The following ANKS1B variants were observed in gnomAD, a reference collection of about 807,000 sequenced individuals.
ANKS1B encodes the protein ankyrin repeat and sterile alpha motif domain-containing protein 1B.
Under a neutral mutation model 148.3 loss-of-function variants are expected in ANKS1B, and 36 were observed. That is an observed-to-expected ratio of 0.24 (90% confidence interval 0.19 to 0.32). The LOEUF is 0.32. ANKS1B is among the 10% of genes least tolerant of loss of function. ANKS1B has a pLI of 1.00. For synonymous variants in ANKS1B, 542 were observed against 560.8 expected (o/e 0.97, Z 0.47); for missense variants, 1,157 against 1,542.6 (o/e 0.75, Z 4.19).
At chr12:98,836,472 G>A (rs769077661) in intron 17 of ANKS1B, among the ~76,000 whole-genome samples, 1 of 152,140 alleles carries the variant, frequency 6.6e-6, no homozygotes, top group Non-Finnish European at 1.5e-5. Context: ...TTGACAGTAA[G>A]AAATCCAATT....
At chr12:99,620,869 G>A (rs2153372111) in intron 9 of ANKS1B, among the ~76,000 whole-genome samples, 1 of 152,218 alleles carries the variant, frequency 6.6e-6, no homozygotes, top group African/African-American at 2.4e-5. Context: ...CCCTAATCTT[G>A]CTAGAGAGGT....
Position 99,094,595 on chromosome 12 carries a change from G to A in ANKS1B, c.2527-9572C>T, listed in dbSNP as rs143448941. Among the ~76,000 whole-genome samples, 377 of 151,744 alleles carry A rather than the reference G, an allele frequency of 2.5e-3. 1 individual carries two copies. The highest frequency in any genetic ancestry group is 7.4e-3 in the Admixed American group (113 of 15,294). On this transcript the variant is annotated intron_variant, in intron 15 of 26. Transcript: ENST00000683438. ...AGACCTGAGGGGATTAGAAGGAGCA[G>A]CCTAACTGTGAGAAGAGCTGTTACA...
intron 15 of ANKS1B, among the ~76,000 whole-genome samples, chr12:99,124,162 C>T (rs763831197): frequency 3.9e-5 from 6 of 152,010 alleles, no homozygotes; most frequent in African/African-American, 4.8e-5. Flanking sequence ...AGAGACTCTA[C>T]GTAGGGGCTC....
chr12:99,529,629 G>GT (rs2096966809), intron 9 of ANKS1B, among the ~76,000 whole-genome samples: 1 of 148,042 alleles, frequency 6.8e-6, no homozygotes, highest in Non-Finnish European at 1.5e-5. Flanking sequence ...CACCAGCCTG[G>GT]TGACACAGCA....
At chr12:99,902,589 G>A (rs1291105113) in intron 1 of ANKS1B, among the ~76,000 whole-genome samples, 3 of 152,118 alleles carry the variant, frequency 2.0e-5, no homozygotes, top group African/African-American at 7.2e-5. Flanking sequence ...GGATGGAAGA[G>A]GGAAAGAAGG....
chr12:99,770,406 A>G (rs923994934), intron 8 of ANKS1B, among the ~76,000 whole-genome samples: 8 of 152,178 alleles, frequency 5.3e-5, no homozygotes, highest in African/African-American at 1.9e-4. Context: ...GGTGACCTAT[A>G]TTAGGTGACC....
intron 1 of ANKS1B, among the ~76,000 whole-genome samples, chr12:99,908,488 G>A (rs1431167631): frequency 6.6e-6 from 1 of 152,120 alleles, no homozygotes; most frequent in Non-Finnish European, 1.5e-5. Context: ...TCTGAGGTGA[G>A]AGAATCACCC....
chr12:99,862,196 C>A (rs926963187), intron 1 of ANKS1B, among the ~76,000 whole-genome samples: 2 of 152,146 alleles, frequency 1.3e-5, no homozygotes, highest in African/African-American at 4.8e-5. Flanking sequence ...AAAATCTTCA[C>A]ACACAATATG....
chr12:99,443,213 C>T (rs941274646), intron 11 of ANKS1B, among the ~76,000 whole-genome samples: 8 of 151,950 alleles, frequency 5.3e-5, no homozygotes, highest in Middle Eastern at 3.4e-3. Context: ...CAATATTAAA[C>T]GCAGACAATA....
intron 10 of ANKS1B, among the ~76,000 whole-genome samples, chr12:99,488,078 T>A (rs2096517396): frequency 6.6e-6 from 1 of 152,190 alleles, no homozygotes; most frequent in Admixed American, 6.5e-5. Flanking sequence ...CTTTTAATAT[T>A]ATAAAGTATT....
intron 8 of ANKS1B, among the ~76,000 whole-genome samples, chr12:99,764,927 C>G (rs1284234410): frequency 6.6e-6 from 1 of 152,074 alleles, no homozygotes; most frequent in Non-Finnish European, 1.5e-5. Flanking sequence ...GACTTGGCAG[C>G]ATTGCTCAGA....
chr12:99,217,114 A>G (rs1422906522), intron 14 of ANKS1B, among the ~76,000 whole-genome samples: 2 of 152,144 alleles, frequency 1.3e-5, no homozygotes, highest in East Asian at 1.9e-4. Flanking sequence ...TCAGACTTCA[A>G]TGTGAGAGAT....
chr12:99,886,822 A>G (rs2092846251), intron 1 of ANKS1B, among the ~76,000 whole-genome samples: 1 of 152,216 alleles, frequency 6.6e-6, no homozygotes, highest in Non-Finnish European at 1.5e-5. Context: ...TACATGCAGA[A>G]AAGCACTTAA....
At chr12:99,163,699 G>T (rs181550005) in intron 14 of ANKS1B, among the ~76,000 whole-genome samples, 1 of 152,082 alleles carries the variant, frequency 6.6e-6, no homozygotes, top group East Asian at 1.9e-4. Flanking sequence ...TTTCAAGAAT[G>T]TTACATGAAT....
At chr12:99,292,405 C>T (rs1159264126) in intron 12 of ANKS1B, among the ~76,000 whole-genome samples, 1 of 150,432 alleles carries the variant, frequency 6.6e-6, no homozygotes, top group Non-Finnish European at 1.5e-5. Context: ...GCCTGTAGTC[C>T]CAGCTACTCA....
chr12:99,286,706 G>C (rs1233431010), intron 12 of ANKS1B, among the ~76,000 whole-genome samples: 1 of 152,168 alleles, frequency 6.6e-6, no homozygotes. Flanking sequence ...AGGCCTGGCA[G>C]CATTCACCAC....
At chr12:99,861,730 G>A (rs1181008373) in intron 1 of ANKS1B, among the ~76,000 whole-genome samples, 1 of 151,944 alleles carries the variant, frequency 6.6e-6, no homozygotes, top group Non-Finnish European at 1.5e-5. Flanking sequence ...AAACAATTTT[G>A]GTTTAACCAT....
intron 11 of ANKS1B, among the ~76,000 whole-genome samples, chr12:99,400,994 TA>T (rs1017294960): frequency 4.1e-5 from 6 of 145,472 alleles, no homozygotes; most frequent in African/African-American, 1.6e-4. Flanking sequence ...ATAGGGTTTT[TA>T]AAAAAATATA....
intron 17 of ANKS1B, among the ~76,000 whole-genome samples, chr12:99,028,330 C>T (rs933447507): frequency 5.3e-5 from 8 of 152,142 alleles, no homozygotes; most frequent in African/African-American, 1.9e-4. Context: ...GCTGATAATT[C>T]AAGCATTGTT....
Sources: allele counts gnomAD v4.1 joint callset (sites outside exome capture counted in the v4.1 genomes callset), GRCh38; gene constraint gnomAD v4.1.1; transcripts MANE v1.5; gene names NCBI Gene and HGNC (gene_info 2026-07-23, HGNC 2026-07-21).